The following CHSY1 variants were observed in gnomAD, a reference collection of about 807,000 sequenced individuals.
CHSY1 encodes N-acetylgalactosaminyl-proteoglycan 3-beta-glucuronosyltransferase 1.
A neutral mutation model predicts 59.8 loss-of-function variants in CHSY1; 13 were observed. The ratio of observed to expected loss-of-function variants is 0.22; its 90% confidence interval spans 0.14 to 0.35. The LOEUF (loss-of-function observed/expected upper bound fraction) is 0.35. CHSY1 is among the 10% of genes least tolerant of loss of function. The probability of loss-of-function intolerance (pLI) is 1.00; values close to 1 mark genes in which losing one functional copy is unlikely to be tolerated. For synonymous variants in CHSY1, 459 were observed against 401.2 expected (o/e 1.14, Z -1.72); for missense variants, 947 against 1,030.6 (o/e 0.92, Z 1.11).
chr15:101,208,109 A>C (rs1389684210), intron 2 of CHSY1, among the ~76,000 whole-genome samples: 2 of 152,216 alleles, frequency 1.3e-5, no homozygotes, highest in African/African-American at 4.8e-5. Flanking sequence ...CAAATACAGA[A>C]AGGGAGAGAA....
Position 101,177,757 on chromosome 15 carries a change from G to C in CHSY1, c.2040C>G (p.Ala680=), listed in dbSNP as rs145837770. 8.3e-5 allele frequency: 134 copies of C among 1,614,176 alleles called. No homozygotes were observed. In the African/African-American group the frequency reaches 1.6e-3, roughly 20 times the overall value. ...SGKVPSDNHF[A]FTQKTGFWRN... ...TCCAGAAGCCAGTTTTCTGAGTAAA[G>C]GCAAAATGGTTGTCACTGGGAACTT... Residue 680 remains alanine, a synonymous_variant, in exon 3 of 3, where the codon GCC becomes GCG. Coordinates refer to ENST00000254190, the MANE Select transcript of CHSY1 (RefSeq NM_014918.5).
At chr15:101,189,231 C>A (rs1378947537) in intron 2 of CHSY1, among the ~76,000 whole-genome samples, 4 of 152,232 alleles carry the variant, frequency 2.6e-5, no homozygotes, top group African/African-American at 4.8e-5. Context: ...CTAAACCCGG[C>A]CCACCCAGCA....
chr15:101,205,846 G>A (rs182860226), intron 2 of CHSY1, among the ~76,000 whole-genome samples: 9 of 152,104 alleles, frequency 5.9e-5, no homozygotes, highest in African/African-American at 2.2e-4. Context: ...AGCTACTCAG[G>A]GGGGCTGAGG....
In CHSY1 at chr15:101,176,323, AG is replaced by A; in HGVS notation, c.*1064del. 2.5e-6 allele frequency: 1 copy of A among 398,618 alleles called. No homozygotes were observed. Among genetic ancestry groups the A allele is most frequent in the Non-Finnish European group, 4.4e-6 (1 of 226,048 alleles). 24.7% of individuals were successfully genotyped at this position (398,618 alleles called of 1,614,324 possible). On this transcript the variant is annotated 3_prime_UTR_variant, in exon 3 of 3. Transcript: ENST00000254190. ...ACCCACATAACACAGACAGGATGAA[AG>A]GAACAAAACCAAATACATTTTTCCC...
At chr15:101,237,277 G>A (rs2038954863) in intron 1 of CHSY1, among the ~76,000 whole-genome samples, 1 of 148,380 alleles carries the variant, frequency 6.7e-6, no homozygotes, top group African/African-American at 2.5e-5. Context: ...GCCTGGCAGA[G>A]TACACTAGAG....
At chr15:101,210,096 T>C (rs764104367) in intron 2 of CHSY1, among the ~76,000 whole-genome samples, 1 of 152,138 alleles carries the variant, frequency 6.6e-6, no homozygotes, top group Non-Finnish European at 1.5e-5. Flanking sequence ...GGAAAAAGCA[T>C]GGAAAAGAAA....
At chr15:101,238,917 A>C (rs2038974138) in intron 1 of CHSY1, among the ~76,000 whole-genome samples, 1 of 152,236 alleles carries the variant, frequency 6.6e-6, no homozygotes. Context: ...CTACAAAGGG[A>C]CAAGTCCTTT....
intron 2 of CHSY1, among the ~76,000 whole-genome samples, chr15:101,199,559 A>G (rs2038549226): frequency 6.6e-6 from 1 of 152,214 alleles, no homozygotes; most frequent in African/African-American, 2.4e-5. Flanking sequence ...ACAGTTCTGG[A>G]GACTGGTTGC....
At chr15:101,205,919 T>A (rs1260041158) in intron 2 of CHSY1, among the ~76,000 whole-genome samples, 1 of 150,816 alleles carries the variant, frequency 6.6e-6, no homozygotes, top group East Asian at 1.9e-4. Flanking sequence ...GCCACTACAC[T>A]CCAGCCTGGG....
intron 2 of CHSY1, among the ~76,000 whole-genome samples, chr15:101,207,334 C>T (rs965482265): frequency 6.6e-6 from 1 of 152,234 alleles, no homozygotes; most frequent in Admixed American, 6.5e-5. Context: ...GAATCAGCGT[C>T]ACCAAGTCTT....
At chr15:101,215,561 C>G (rs1282908300) in intron 2 of CHSY1, among the ~76,000 whole-genome samples, 1 of 152,226 alleles carries the variant, frequency 6.6e-6, no homozygotes, top group Non-Finnish European at 1.5e-5. Context: ...ATGGCAAAAC[C>G]CCGTCTCTAC....
chr15:101,185,414 C>T (rs1246208935), intron 2 of CHSY1, among the ~76,000 whole-genome samples: 1 of 147,482 alleles, frequency 6.8e-6, no homozygotes, highest in East Asian at 2.1e-4. Context: ...GTGTGAACAA[C>T]CTCCATGGAG....
chr15:101,190,247 G>T (rs1431003162), intron 2 of CHSY1, among the ~76,000 whole-genome samples: 2 of 141,266 alleles, frequency 1.4e-5, no homozygotes, highest in East Asian at 5.0e-4. Flanking sequence ...AGAGGGAGTG[G>T]GTTTGTTTTT....
chr15:101,251,087 C>CCGCCGGGATGCCGGA, intron 1 of CHSY1, 50 bp downstream of exon 1: 1 of 1,511,690 alleles, frequency 6.6e-7, no homozygotes, highest in South Asian at 1.2e-5. Context: ...GGGATGCCGG[C>CCGCCGGGATGCCGGA]CGCCGGGATG....
chr15:101,208,712 C>CA (rs35276997), intron 2 of CHSY1, among the ~76,000 whole-genome samples: 18,465 of 114,812 alleles, frequency 0.16, 1,540 homozygotes, highest in East Asian at 0.28. Flanking sequence ...GGCTCCATCT[C>CA]AAAAAAAAAA....
Position 101,177,171 on chromosome 15 carries a change from T to A in CHSY1, c.*217A>T. On this transcript the variant is annotated 3_prime_UTR_variant, in exon 3 of 3. Transcript: ENST00000254190. ...CATCAGGTACATTTCAAGTCAAAGT[T>A]AAGCAGGTCTGCTACATAATGTTCA... 1 of 476,166 alleles carries A rather than the reference T, an allele frequency of 2.1e-6. No individual in the cohort carries two copies. Among genetic ancestry groups the A allele is most frequent in the Non-Finnish European group, 3.7e-6 (1 of 271,586 alleles). 29.5% of individuals were successfully genotyped at this position (476,166 alleles called of 1,614,324 possible).
At chr15:101,204,435 AAATAAT>A (rs56793692) in intron 2 of CHSY1, among the ~76,000 whole-genome samples, 2,529 of 143,948 alleles carry the variant, frequency 0.018, 49 homozygotes, top group Non-Finnish European at 0.017. Context: ...ACTCCATCTC[AAATAAT>A]AATAATAATA....
intron 1 of CHSY1, among the ~76,000 whole-genome samples, chr15:101,241,641 T>G (rs1221891656): frequency 2.0e-5 from 3 of 152,240 alleles, no homozygotes; most frequent in Admixed American, 6.5e-5. Flanking sequence ...ATTCTACTAG[T>G]TACCATTAAA....
intron 2 of CHSY1, among the ~76,000 whole-genome samples, chr15:101,182,023 C>T (rs1279651093): frequency 1.3e-5 from 2 of 152,154 alleles, no homozygotes; most frequent in Non-Finnish European, 2.9e-5. Flanking sequence ...ACACTTACAG[C>T]ACTGTATGTA....
Sources: gnomAD v4.1 joint callset for allele counts (sites outside exome capture counted in the v4.1 genomes callset) on GRCh38, gnomAD v4.1.1 for gene constraint, MANE v1.5 for transcripts, NCBI Gene and HGNC (gene_info 2026-07-23, HGNC 2026-07-21) for gene names.